IGFL2: variants seen among roughly 807,000 people sequenced by gnomAD.
IGFL2 encodes insulin growth factor-like family member 2.
IGFL2 carries 7 observed loss-of-function variants against 13.9 expected under a neutral mutation model. The ratio of observed to expected loss-of-function variants is 0.51; its 90% CI spans 0.29 to 0.95. The LOEUF is 0.95. IGFL2 is among the 40% of genes least tolerant of loss of function. The pLI is 0.08. For synonymous variants in IGFL2, 55 were observed against 55.8 expected (o/e 0.99, Z 0.07); for missense variants, 138 against 147.8 (o/e 0.93, Z 0.34).
the IGFL2 span, among the ~76,000 whole-genome samples, chr19:46,169,532 G>C: frequency 6.6e-6 from 1 of 152,130 alleles, no homozygotes; most frequent in Non-Finnish European, 1.5e-5. Context: ...GACCTAATGA[G>C]AACAAAACTA....
the IGFL2 span, chr19:46,123,851 A>C: frequency 4.0e-5 from 63 of 1,570,592 alleles, 1 homozygote; most frequent in Non-Finnish European, 5.2e-5. Context: ...TCCCTCCCTC[A>C]TTCCTTTAGT....
At chr19:46,168,934 G>GTATGTGTA in the IGFL2 span, among the ~76,000 whole-genome samples, 1 of 151,670 alleles carries the variant, frequency 6.6e-6, no homozygotes, top group Non-Finnish European at 1.5e-5. Flanking sequence ...GTGTGTGTGT[G>GTATGTGTA]TGTGTATGTG....
At chr19:46,120,450 T>C in the IGFL2 span, 2 of 1,562,938 alleles carry the variant, frequency 1.3e-6, no homozygotes, top group South Asian at 2.3e-5. Context: ...AACTTGACTT[T>C]AACAGACTTG....
At chr19:46,168,369 T>C in the IGFL2 span, among the ~76,000 whole-genome samples, 9 of 152,228 alleles carry the variant, frequency 5.9e-5, no homozygotes, top group East Asian at 1.9e-4. Flanking sequence ...TTCACTCTTA[T>C]GTTTTTGAGA....
the IGFL2 span, among the ~76,000 whole-genome samples, chr19:46,094,603 G>A: frequency 6.6e-6 from 1 of 151,896 alleles, no homozygotes; most frequent in African/African-American, 2.4e-5. Flanking sequence ...GTGCCATGGT[G>A]GTTTGCTGCA....
At chr19:46,147,494 C>G (rs1046142696), upstream of IGFL2, among the ~76,000 whole-genome samples, 2 of 152,178 alleles carry the variant, frequency 1.3e-5, no homozygotes, top group Non-Finnish European at 2.9e-5. Context: ...TTGAAAAGCC[C>G]TCGAGCTGGC....
At chr19:46,194,854 T>TA in the IGFL2 span, among the ~76,000 whole-genome samples, 202 of 18,686 alleles carry the variant, frequency 0.011, no homozygotes, top group Non-Finnish European at 0.013. Context: ...ATATATATAT[T>TA]TTTTTTTTTT....
chr19:46,214,036 C>G, the IGFL2 span: 5 of 152,526 alleles, frequency 3.3e-5, no homozygotes, highest in East Asian at 3.9e-4. Flanking sequence ...TGCTCAGCTC[C>G]GTCCTTCTGA....
chr19:46,123,135 T>C, the IGFL2 span, among the ~76,000 whole-genome samples: 2 of 150,896 alleles, frequency 1.3e-5, no homozygotes, highest in Non-Finnish European at 2.9e-5. Context: ...TTTAATAGTT[T>C]TTTTAATTTT....
the IGFL2 span, among the ~76,000 whole-genome samples, chr19:46,125,011 C>T: frequency 7.1e-6 from 1 of 141,134 alleles, no homozygotes; most frequent in South Asian, 2.2e-4. Flanking sequence ...GAGACAGTGC[C>T]CAACTAAGCT....
At chr19:46,088,894 T>A in the IGFL2 span, among the ~76,000 whole-genome samples, 1 of 152,136 alleles carries the variant, frequency 6.6e-6, no homozygotes, top group Non-Finnish European at 1.5e-5. Context: ...GAGGAAATAA[T>A]CAGCAAAGCT....
chr19:46,148,441 A>G, intron 1 of IGFL2, 144 bp downstream of exon 1: 1 of 760,440 alleles, frequency 1.3e-6, no homozygotes, highest in Non-Finnish European at 2.3e-6. Flanking sequence ...ACTGCATTGC[A>G]ATCTCTCTTC....
chr19:46,146,306 T>A (rs961783476), upstream of IGFL2, among the ~76,000 whole-genome samples: 11 of 152,238 alleles, frequency 7.2e-5, no homozygotes, highest in Non-Finnish European at 2.9e-5. Context: ...TCCTTTGATC[T>A]ATGTGTCTAT....
the IGFL2 span, among the ~76,000 whole-genome samples, chr19:46,185,243 CT>C: frequency 6.6e-6 from 1 of 152,118 alleles, no homozygotes; most frequent in African/African-American, 2.4e-5. Context: ...TTCTACCCCC[CT>C]CCCTCTCAGT....
intron 1 of IGFL2, chr19:46,148,941 A>G (rs1218225811): frequency 1.3e-6 from 2 of 1,565,650 alleles, no homozygotes; most frequent in Non-Finnish European, 1.7e-6. Context: ...CCTGTAGCCC[A>G]GGCACTATTG....
In IGFL2 at chr19:46,160,694, T is replaced by A; in HGVS notation, c.154T>A (p.Cys52Ser). Residue 52 changes from cysteine to serine, a missense_variant, in exon 3 of 4, where the codon TGT becomes AGT. Physicochemically the swap from Cys to Ser is moderately radical, Grantham distance 112 (BLOSUM62 -1). Coordinates refer to ENST00000377693, the MANE Select transcript of IGFL2 (RefSeq NM_001135113.2). ...GATCTACAACCCCTTGGAGCAGTGCTGTTACAATGACGCCATCGTGTCCCT... is the reference window on the plus strand; with the variant it reads ...GATCTACAACCCCTTGGAGCAGTGCAGTTACAATGACGCCATCGTGTCCCT... ...DKIYNPLEQCCYNDAIVSLSE... is the reference protein window; with the variant it reads ...DKIYNPLEQCSYNDAIVSLSE... The A allele has an allele frequency of 1.2e-6, 2 of 1,614,134 alleles. No individual in the cohort carries two copies. Among genetic ancestry groups the A allele is most frequent in the Non-Finnish European group, 1.7e-6 (2 of 1,180,006 alleles).
chr19:46,201,588 T>C, the IGFL2 span, among the ~76,000 whole-genome samples: 2 of 152,144 alleles, frequency 1.3e-5, no homozygotes, highest in Non-Finnish European at 2.9e-5. Flanking sequence ...GTGTTCCCAG[T>C]GATGGCACAT....
chr19:46,113,962 A>T, the IGFL2 span: 1 of 152,552 alleles, frequency 6.6e-6, no homozygotes, highest in Non-Finnish European at 1.5e-5. Flanking sequence ...CACATATAAA[A>T]ACAGAACTCT....
chr19:46,101,803 C>T, the IGFL2 span, among the ~76,000 whole-genome samples: 2 of 152,330 alleles, frequency 1.3e-5, no homozygotes, highest in South Asian at 2.1e-4. Flanking sequence ...GGACCTAAGG[C>T]CCTGGTGGTG....
Sources: allele counts gnomAD v4.1 joint callset (sites outside exome capture counted in the v4.1 genomes callset), GRCh38; gene constraint gnomAD v4.1.1; transcripts MANE v1.5; gene names NCBI Gene and HGNC (gene_info 2026-07-23, HGNC 2026-07-21).